The following TFPI variants were observed in gnomAD, a reference collection of about 807,000 sequenced individuals.
TFPI encodes tissue factor pathway inhibitor.
In TFPI, 15 loss-of-function variants were observed where a neutral mutation model predicts 34.6. That is an observed-to-expected ratio of 0.43 (90% CI 0.29 to 0.67). The LOEUF (loss-of-function observed/expected upper bound fraction) is 0.67. Ranked by LOEUF, TFPI falls within the 30% of genes least tolerant of loss-of-function variation. The pLI is 0.15. For synonymous variants in TFPI, 105 were observed against 120.1 expected, an observed-to-expected ratio of 0.87 and a Z score of 0.82; for missense variants, 301 against 364.0, an observed-to-expected ratio of 0.83 and a Z score of 1.41.
At chr2:187,533,388 T>G (rs964002171) in intron 1 of TFPI, among the ~76,000 whole-genome samples, 1 of 152,174 alleles carries the variant, frequency 6.6e-6, no homozygotes, top group South Asian at 2.1e-4. Context: ...ATCTTAGCTG[T>G]TCTACAGCCT....
intron 6 of TFPI, among the ~76,000 whole-genome samples, chr2:187,483,149 G>C (rs1447783273): frequency 6.6e-6 from 1 of 151,932 alleles, no homozygotes; most frequent in Non-Finnish European, 1.5e-5. Flanking sequence ...TGGCTTGCTT[G>C]CTTAGTTGTT....
intron 6 of TFPI, among the ~76,000 whole-genome samples, chr2:187,472,727 C>T (rs1692118841): frequency 6.6e-6 from 1 of 152,076 alleles, no homozygotes; most frequent in African/African-American, 2.4e-5. Flanking sequence ...CAAAGAAAGA[C>T]ACGGCCAGGC....
intron 1 of TFPI, among the ~76,000 whole-genome samples, chr2:187,523,475 C>T (rs932845409): frequency 1.3e-5 from 2 of 152,094 alleles, no homozygotes; most frequent in Non-Finnish European, 2.9e-5. Context: ...GTTCAGCCCT[C>T]CTCCACCCCC....
intron 1 of TFPI, chr2:187,514,682 G>A (rs1686873594): frequency 6.6e-6 from 1 of 152,202 alleles, no homozygotes; most frequent in Non-Finnish European, 1.5e-5. Flanking sequence ...AGTGGCATTT[G>A]TGCTTTAGTC....
At chr2:187,540,890 C>CAAAAAAAAAAAAAAA (rs56921212) in intron 1 of TFPI, among the ~76,000 whole-genome samples, 3 of 84,742 alleles carry the variant, frequency 3.5e-5, no homozygotes, top group Non-Finnish European at 4.7e-5. Flanking sequence ...GACTCCATCT[C>CAAAAAAAAAAAAAAA]AAAAAAAAAA....
chr2:187,470,736 A>C (rs974331763), intron 6 of TFPI, among the ~76,000 whole-genome samples: 4 of 152,222 alleles, frequency 2.6e-5, no homozygotes, highest in Admixed American at 2.6e-4. Context: ...GTTGACCAGC[A>C]TAGATGCCAG....
chr2:187,488,293 GC>G (rs1693436989), intron 4 of TFPI, 43 bp downstream of exon 4: 1 of 1,494,346 alleles, frequency 6.7e-7, no homozygotes, highest in South Asian at 1.3e-5. Flanking sequence ...ATATCTAAAT[GC>G]CTTACATAAA....
chr2:187,545,568 A>G lies in TFPI; in HGVS notation c.-3+8632T>C, dbSNP rs191469521. Among the ~76,000 whole-genome samples the G allele has an allele frequency of 3.9e-5, 6 of 152,280 alleles. No individual in the cohort carries two copies. The East Asian group carries it at 1.2e-3, about 29-fold the overall frequency. Reference sequence around the variant, plus strand: ...ACATAGGAATGTGACCATTCAAGGAAAGGGCAACTGCAAAGCTTCAAAAGA... The same window carrying G: ...ACATAGGAATGTGACCATTCAAGGAGAGGGCAACTGCAAAGCTTCAAAAGA... On this transcript the variant is annotated intron_variant, in intron 1 of 7. Coordinates refer to ENST00000233156, the MANE Select transcript of TFPI (RefSeq NM_006287.6).
intron 1 of TFPI, among the ~76,000 whole-genome samples, chr2:187,507,408 A>C (rs1156580143): frequency 6.6e-6 from 1 of 151,892 alleles, no homozygotes; most frequent in Non-Finnish European, 1.5e-5. Context: ...TACTGGGTCA[A>C]ACGGTATTTC....
chr2:187,504,941 CT>C (rs1260411737), intron 1 of TFPI, among the ~76,000 whole-genome samples: 4 of 151,886 alleles, frequency 2.6e-5, no homozygotes, highest in African/African-American at 7.3e-5. Context: ...GATACATAAC[CT>C]TTTTTTCTCA....
chr2:187,502,375 T>A (rs8176420), intron 2 of TFPI, among the ~76,000 whole-genome samples: 11,359 of 152,164 alleles, frequency 0.075, 539 homozygotes, highest in African/African-American at 0.13. Flanking sequence ...GCTTCTCACT[T>A]CCCACAAGTG....
intron 6 of TFPI, among the ~76,000 whole-genome samples, chr2:187,476,804 A>G (rs2105976423): frequency 6.6e-6 from 1 of 152,274 alleles, no homozygotes; most frequent in African/African-American, 2.4e-5. Context: ...TTAAATTCAT[A>G]TTACAATAAG....
In TFPI at chr2:187,498,996, T is replaced by A. The variant is rs8176440; in HGVS notation, c.122-1918A>T. 3.8e-3 allele frequency among the ~76,000 whole-genome samples: 580 copies of A among 152,142 alleles called. 5 individuals carry two copies. Among genetic ancestry groups the A allele is most frequent in the African/African-American group, 0.013 (549 of 41,564 alleles). ...TGTTTGTGTTTACCAACATGATTTT[T>A]AAAATAATTTTAAACCAATAACAGT... On this transcript the variant is annotated intron_variant, in intron 2 of 7. Coordinates refer to ENST00000233156, the MANE Select transcript of TFPI (RefSeq NM_006287.6).
intron 2 of TFPI, among the ~76,000 whole-genome samples, chr2:187,498,139 A>T (rs1216585730): frequency 6.6e-6 from 1 of 151,878 alleles, no homozygotes; most frequent in Non-Finnish European, 1.5e-5. Flanking sequence ...TGCATTCTAA[A>T]ATAGTTTACT....
chr2:187,496,904 T>C lies in TFPI; in HGVS notation c.296A>G (p.Glu99Gly). 1 of 1,613,134 alleles carries C rather than the reference T, an allele frequency of 6.2e-7. No homozygotes were observed. The highest frequency in any genetic ancestry group is 1.3e-5 in the African/African-American group (1 of 75,006). The change falls in exon 3 of 8, where the codon GAG becomes GGG. Residue 99 changes from glutamate (E) to glycine (G), a missense_variant. Glu to Gly is a moderately conservative substitution (Grantham distance 98, BLOSUM62 -2). Coordinates refer to ENST00000233156, the MANE Select transcript of TFPI (RefSeq NM_006287.6). ...GNQNRFESLE[E>G]CKKMCTRDNA... ...ACCTCTTGTACACATTTTTTTGCAC[T>C]CTTCCAGACTTTCAAATCGATTCTG...
intron 5 of TFPI, chr2:187,484,454 G>A (rs760217235): frequency 2.5e-5 from 13 of 521,810 alleles, no homozygotes; most frequent in Non-Finnish European, 3.3e-5. Context: ...TTTAATAAAT[G>A]TTATAGGCAG....
At chr2:187,492,043 G>T (rs1685156241) in intron 3 of TFPI, among the ~76,000 whole-genome samples, 1 of 151,742 alleles carries the variant, frequency 6.6e-6, no homozygotes, top group Admixed American at 6.6e-5. Flanking sequence ...TTTTTTAAAT[G>T]GTTTGTTATT....
At chr2:187,517,951 T>C (rs1687120741) in intron 1 of TFPI, 3 of 152,222 alleles carry the variant, frequency 2.0e-5, no homozygotes, top group Admixed American at 2.0e-4. Context: ...TATCAGAGAC[T>C]GGGAATGCAA....
At chr2:187,541,238 A>G (rs151250978) in intron 1 of TFPI, among the ~76,000 whole-genome samples, 92 of 152,328 alleles carry the variant, frequency 6.0e-4, no homozygotes, top group African/African-American at 2.0e-3. Flanking sequence ...AGAATTATCT[A>G]TGATTTGTAA....
Sources: allele counts gnomAD v4.1 joint callset (sites outside exome capture counted in the v4.1 genomes callset), GRCh38; gene constraint gnomAD v4.1.1; transcripts MANE v1.5; gene names NCBI Gene and HGNC (gene_info 2026-07-23, HGNC 2026-07-21).